The following NDUFAF2 variants were observed in gnomAD, a reference collection of about 807,000 sequenced individuals.
NDUFAF2 encodes NADH dehydrogenase [ubiquinone] 1 alpha subcomplex assembly factor 2.
A neutral mutation model predicts 22.8 loss-of-function variants in NDUFAF2; 13 were observed. The observed-to-expected ratio is 0.57, with a 90% CI of 0.37 to 0.91. The LOEUF is 0.91. NDUFAF2 is among the 40% of genes least tolerant of loss of function. The probability of loss-of-function intolerance (pLI) is 0.01; values close to 1 mark genes in which losing one functional copy is unlikely to be tolerated. For missense variants in NDUFAF2, 162 were observed against 195.2 expected (o/e 0.83, Z 1.01); for synonymous variants, 53 against 64.2 (o/e 0.83, Z 0.84).
At chr5:60,988,373 C>G (rs1339543397) in intron 1 of NDUFAF2, among the ~76,000 whole-genome samples, 15 of 152,148 alleles carry the variant, frequency 9.9e-5, no homozygotes, top group Admixed American at 9.8e-4. Context: ...ATTTGCGATT[C>G]AGTGTGATTC....
At chr5:60,945,487 AGG>A in intron 1 of NDUFAF2, 105 bp downstream of exon 1, 1 of 1,492,000 alleles carries the variant, frequency 6.7e-7, no homozygotes, top group Non-Finnish European at 9.3e-7. Context: ...TGCGACACTT[AGG>A]GTGTCACCGG....
chr5:60,987,886 A>G (rs960745365), intron 1 of NDUFAF2, among the ~76,000 whole-genome samples: 1 of 152,174 alleles, frequency 6.6e-6, no homozygotes, highest in South Asian at 2.1e-4. Context: ...GCCCTCTCCT[A>G]CCACTCCTAT....
chr5:61,041,225 A>G (rs1016103961), intron 1 of NDUFAF2, among the ~76,000 whole-genome samples: 2 of 152,206 alleles, frequency 1.3e-5, no homozygotes, highest in Non-Finnish European at 2.9e-5. Context: ...TTTCTGAGAT[A>G]TGAAAAATTA....
intron 3 of NDUFAF2, among the ~76,000 whole-genome samples, chr5:61,128,127 A>T (rs1753061275): frequency 6.6e-6 from 1 of 152,182 alleles, no homozygotes; most frequent in African/African-American, 2.4e-5. Context: ...ACTACAAACC[A>T]CTGCTCAATG....
chr5:60,948,938 C>T (rs1461380754), intron 1 of NDUFAF2, among the ~76,000 whole-genome samples: 1 of 152,124 alleles, frequency 6.6e-6, no homozygotes. Flanking sequence ...GTCCTATATC[C>T]TTATCAACAC....
chr5:61,084,546 G>A (rs529237209), intron 2 of NDUFAF2, among the ~76,000 whole-genome samples: 7 of 152,170 alleles, frequency 4.6e-5, no homozygotes, highest in East Asian at 3.9e-4. Context: ...CTCTAAGTAC[G>A]TCATAGAAAT....
At chr5:61,087,889 C>T (rs1752522861) in intron 2 of NDUFAF2, among the ~76,000 whole-genome samples, 1 of 152,078 alleles carries the variant, frequency 6.6e-6, no homozygotes, top group Admixed American at 6.6e-5. Context: ...AACATTACCA[C>T]AATAATAATA....
intron 2 of NDUFAF2, among the ~76,000 whole-genome samples, chr5:61,089,845 A>G (rs1374608106): frequency 6.6e-6 from 1 of 152,068 alleles, no homozygotes; most frequent in East Asian, 1.9e-4. Context: ...TAGAAAACAT[A>G]TAACAGAGTT....
chr5:61,125,239 T>C (rs959338546), intron 3 of NDUFAF2, among the ~76,000 whole-genome samples: 1 of 152,112 alleles, frequency 6.6e-6, no homozygotes, highest in Non-Finnish European at 1.5e-5. Flanking sequence ...TAATTTCTAC[T>C]CAAATAATTG....
chr5:61,056,803 C>T (rs1038836379), intron 1 of NDUFAF2, among the ~76,000 whole-genome samples: 3 of 142,994 alleles, frequency 2.1e-5, no homozygotes, highest in African/African-American at 7.9e-5. Context: ...GCATGAGAAT[C>T]GCTTGAACCA....
chr5:61,121,841 CTTTTTTTTTTT>C (rs1327992238), intron 3 of NDUFAF2, among the ~76,000 whole-genome samples: 1 of 138,456 alleles, frequency 7.2e-6, no homozygotes, highest in African/African-American at 2.7e-5. Context: ...TTTTTTTTTT[CTTTTTTTTTTT>C]GACAGTCTTG....
At chr5:61,035,460 G>C (rs985052741) in intron 1 of NDUFAF2, among the ~76,000 whole-genome samples, 6 of 119,796 alleles carry the variant, frequency 5.0e-5, no homozygotes, top group Non-Finnish European at 9.9e-5. Flanking sequence ...TTTGGTAAAG[G>C]GCTTTTAAAA....
intron 1 of NDUFAF2, among the ~76,000 whole-genome samples, chr5:60,986,697 G>A (rs1751082776): frequency 2.6e-5 from 4 of 152,096 alleles, no homozygotes; most frequent in Admixed American, 2.0e-4. Context: ...TTGGGAGGCT[G>A]AGGTGGGCAG....
At chr5:60,966,855 G>A (rs1203369493) in intron 1 of NDUFAF2, among the ~76,000 whole-genome samples, 2 of 152,012 alleles carry the variant, frequency 1.3e-5, no homozygotes, top group Non-Finnish European at 2.9e-5. Flanking sequence ...GAAATTTTAG[G>A]ATTGTTTTTC....
chr5:60,989,083 T>G (rs967748404), intron 1 of NDUFAF2, among the ~76,000 whole-genome samples: 6 of 151,732 alleles, frequency 4.0e-5, no homozygotes, highest in African/African-American at 1.2e-4. Flanking sequence ...TAAACAAATT[T>G]TATAAGCAAA....
chr5:61,060,934 T>G (rs1752158036), intron 1 of NDUFAF2, among the ~76,000 whole-genome samples: 1 of 152,018 alleles, frequency 6.6e-6, no homozygotes, highest in South Asian at 2.1e-4. Context: ...TGCCCAAATA[T>G]CTCTCCTGGC....
At chr5:60,976,747 A>G (rs1413988121) in intron 1 of NDUFAF2, among the ~76,000 whole-genome samples, 1 of 152,188 alleles carries the variant, frequency 6.6e-6, no homozygotes, top group East Asian at 1.9e-4. Flanking sequence ...GTGCATTTTA[A>G]ATGAACCTAT....
intron 1 of NDUFAF2, among the ~76,000 whole-genome samples, chr5:61,040,355 G>A (rs1751865245): frequency 6.6e-6 from 1 of 151,576 alleles, no homozygotes. Context: ...GGAAGGCCAG[G>A]AGCCACTAGA....
chr5:61,103,810 A>G (rs926205558), intron 3 of NDUFAF2, among the ~76,000 whole-genome samples: 24 of 152,072 alleles, frequency 1.6e-4, no homozygotes, highest in African/African-American at 5.1e-4. Context: ...CTTACTTAGG[A>G]TAGTTCAGCT....
Sources: gnomAD v4.1 joint callset for allele counts (sites outside exome capture counted in the v4.1 genomes callset) on GRCh38, gnomAD v4.1.1 for gene constraint, MANE v1.5 for transcripts, NCBI Gene and HGNC (gene_info 2026-07-23, HGNC 2026-07-21) for gene names.